The following RAD51C variants were observed in gnomAD, a reference collection of about 807,000 sequenced individuals.
RAD51C encodes RAD51 paralog C, also known as DNA repair protein RAD51 homolog 3.
In RAD51C, 42 loss-of-function variants were observed where a neutral mutation model predicts 45.0. The observed-to-expected ratio is 0.93, with a 90% CI of 0.73 to 1.21. RAD51C has a LOEUF of 1.21. RAD51C is among the 50% of genes most tolerant of loss of function. RAD51C has a pLI of 0.00. For synonymous variants in RAD51C, 172 were observed against 159.8 expected (o/e 1.08, Z -0.58); for missense variants, 474 against 452.2 (o/e 1.05, Z -0.44).
intron 5 of RAD51C, among the ~76,000 whole-genome samples, chr17:58,712,600 C>A (rs1356743538): frequency 1.3e-5 from 2 of 151,836 alleles, no homozygotes; most frequent in Non-Finnish European, 2.9e-5. Flanking sequence ...GCGGGCAGAT[C>A]ACGAGGTCAG....
intron 6 of RAD51C, among the ~76,000 whole-genome samples, chr17:58,721,737 C>T (rs1171217797): frequency 1.3e-5 from 2 of 149,680 alleles, no homozygotes; most frequent in African/African-American, 4.9e-5. Flanking sequence ...CCAGCCTGGG[C>T]AACAAGAGTG....
At chr17:58,718,482 C>A (rs2048813656) in intron 5 of RAD51C, among the ~76,000 whole-genome samples, 1 of 152,134 alleles carries the variant, frequency 6.6e-6, no homozygotes, top group Non-Finnish European at 1.5e-5. Context: ...GGAAAGATAA[C>A]AGATCTGACT....
intron 7 of RAD51C, among the ~76,000 whole-genome samples, chr17:58,726,678 A>G (rs1280038354): frequency 6.6e-6 from 1 of 150,962 alleles, no homozygotes; most frequent in African/African-American, 2.4e-5. Context: ...ATACGTATGT[A>G]TATGTGTGTG....
chr17:58,713,392 G>A (rs1454949728), intron 5 of RAD51C, among the ~76,000 whole-genome samples: 1 of 152,082 alleles, frequency 6.6e-6, no homozygotes, highest in Non-Finnish European at 1.5e-5. Context: ...CCAGGCTAGA[G>A]TGCAGTGGCA....
Position 58,723,937 on chromosome 17 carries a change from T to C in RAD51C, c.905-103T>C, listed in dbSNP as rs563044807. On this transcript the variant is annotated intron_variant, in intron 6 of 8. Transcript: ENST00000337432. ...TTTGAAAGCAAGTATACTTTCGTTATGTTAAATTAATAAAGTAAGATTATA... is the reference window on the plus strand; with the variant it reads ...TTTGAAAGCAAGTATACTTTCGTTACGTTAAATTAATAAAGTAAGATTATA... 2.9e-5 allele frequency: 31 copies of C among 1,068,322 alleles called. No individual in the cohort carries two copies. In the African/African-American group the frequency reaches 3.5e-4, roughly 12 times the overall value. The allele number at this position is 1,068,322 out of a possible 1,614,324, so 66.2% of individuals were successfully genotyped here.
chr17:58,713,985 T>TC (rs910980490), intron 5 of RAD51C, among the ~76,000 whole-genome samples: 1 of 143,702 alleles, frequency 7.0e-6, no homozygotes, highest in Admixed American at 6.9e-5. Flanking sequence ...GGTCTCTCTC[T>TC]TTTTTTTTTT....
chr17:58,732,089 CA>C (rs2049449288), intron 7 of RAD51C, among the ~76,000 whole-genome samples: 1 of 152,092 alleles, frequency 6.6e-6, no homozygotes, highest in Admixed American at 6.6e-5. Flanking sequence ...AGTCTTCTAT[CA>C]ATTCTTTTAG....
intron 3 of RAD51C, among the ~76,000 whole-genome samples, chr17:58,699,139 T>C (rs935802436): frequency 6.6e-6 from 1 of 151,762 alleles, no homozygotes; most frequent in Non-Finnish European, 1.5e-5. Flanking sequence ...CCTGAGTAGC[T>C]GGGACTACGG....
At chr17:58,725,774 C>T (rs2049097120) in intron 7 of RAD51C, among the ~76,000 whole-genome samples, 1 of 152,042 alleles carries the variant, frequency 6.6e-6, no homozygotes, top group Non-Finnish European at 1.5e-5. Context: ...GTAGGTGGAT[C>T]ATGGGGTCAA....
At chr17:58,708,315 G>A (rs1330538889) in intron 4 of RAD51C, among the ~76,000 whole-genome samples, 1 of 151,720 alleles carries the variant, frequency 6.6e-6, no homozygotes, top group Non-Finnish European at 1.5e-5. Context: ...CCTTATTTGT[G>A]TGTTTGTTTG....
Position 58,734,540 on chromosome 17 carries a change from C to G in RAD51C, c.*318C>G, listed in dbSNP as rs905453140. ...CATACTGTTTTCACCCCTTTCTTTC[C>G]CAGTTGCCTATAAAATCTTAGGAAG... is the stretch of plus-strand genomic sequence containing the variant. On this transcript the variant is annotated 3_prime_UTR_variant, in exon 9 of 9. Transcript: ENST00000337432. 5.6e-6 allele frequency: 2 copies of G among 360,074 alleles called. No homozygotes were observed. The highest frequency in any genetic ancestry group is 4.4e-5 in the Admixed American group (1 of 22,568). 22.3% of individuals were successfully genotyped at this position (360,074 alleles called of 1,614,324 possible).
Position 58,734,519 on chromosome 17 carries a change from CT to C in RAD51C, c.*298del. ...GGCCAGTCTGAATTTACCATTCATA[CT>C]GTTTTCACCCCTTTCTTTCCCAGTT... On this transcript the variant is annotated 3_prime_UTR_variant, in exon 9 of 9. Transcript: ENST00000337432. The C allele has an allele frequency of 2.5e-6, 1 of 408,072 alleles. No individual in the cohort carries two copies. The highest frequency in any genetic ancestry group is 4.4e-6 in the Non-Finnish European group (1 of 226,756). 25.3% of individuals were successfully genotyped at this position (408,072 alleles called of 1,614,324 possible). A position where few individuals can be genotyped will look rare whatever the true frequency, so the allele number is the denominator to read the frequency against.
At chr17:58,697,553 AAAAAC>A (rs1025600288) in intron 3 of RAD51C, among the ~76,000 whole-genome samples, 4 of 134,268 alleles carry the variant, frequency 3.0e-5, no homozygotes, top group African/African-American at 5.1e-5. Flanking sequence ...AAAAAAAAAA[AAAAAC>A]CAAAAAAAAA....
In RAD51C at chr17:58,708,152, C is replaced by T. The variant is rs542090969; in HGVS notation, c.706-1707C>T. Among the ~76,000 whole-genome samples, 17 of 152,278 alleles carry T rather than the reference C, an allele frequency of 1.1e-4. No individual in the cohort carries two copies. In the South Asian group the frequency reaches 3.5e-3, roughly 32 times the overall value. ...AGCTGACGTTGAACAAGGTCATGTT[C>T]TGCCTTTTTATTTCAGCTCTCTACT... is the stretch of plus-strand genomic sequence containing the variant. On this transcript the variant is annotated intron_variant, in intron 4 of 8. Coordinates refer to ENST00000337432, the MANE Select transcript of RAD51C (RefSeq NM_058216.3).
intron 2 of RAD51C, 53 bp from the exon 3 acceptor site, chr17:58,696,640 A>C (rs926504300): frequency 6.2e-7 from 1 of 1,611,126 alleles, no homozygotes; most frequent in African/African-American, 1.3e-5. Context: ...GTTCAAAAAC[A>C]CTACCTTAGA....
chr17:58,705,479 G>GCC, intron 4 of RAD51C, among the ~76,000 whole-genome samples: 1 of 151,882 alleles, frequency 6.6e-6, no homozygotes, highest in Admixed American at 6.6e-5. Context: ...GACTACAGGC[G>GCC]CATGCCACCA....
chr17:58,698,178 A>ATTT (rs34731311), intron 3 of RAD51C, among the ~76,000 whole-genome samples: 5 of 116,136 alleles, frequency 4.3e-5, no homozygotes, highest in Non-Finnish European at 7.2e-5. Flanking sequence ...TGCCCAGCTA[A>ATTT]TTTTTTTTTT....
At chr17:58,711,676 G>C (rs545989988) in intron 5 of RAD51C, among the ~76,000 whole-genome samples, 4 of 151,570 alleles carry the variant, frequency 2.6e-5, no homozygotes, top group Non-Finnish European at 4.4e-5. Context: ...ATGTTGCCCA[G>C]CTGGTCAGAA....
At chr17:58,696,087 A>T (rs2047994834) in intron 2 of RAD51C, among the ~76,000 whole-genome samples, 1 of 148,742 alleles carries the variant, frequency 6.7e-6, no homozygotes, top group Non-Finnish European at 1.5e-5. Flanking sequence ...AAAAAAAGGT[A>T]GATTTATGTA....
Sources: gnomAD v4.1 joint callset for allele counts (sites outside exome capture counted in the v4.1 genomes callset) on GRCh38, gnomAD v4.1.1 for gene constraint, MANE v1.5 for transcripts, NCBI Gene and HGNC (gene_info 2026-07-23, HGNC 2026-07-21) for gene names.